Variants in DENND3 observed in about 807,000 individuals in gnomAD.
DENND3 encodes the protein DENN domain-containing protein 3.
DENND3 carries 88 observed loss-of-function variants against 135.1 expected under a neutral mutation model. That is an observed-to-expected ratio of 0.65 (90% confidence interval 0.55 to 0.78). The LOEUF (loss-of-function observed/expected upper bound fraction) is 0.78, where lower values mean the gene tolerates loss of function less well. DENND3 is among the 30% of genes least tolerant of loss of function. The probability of loss-of-function intolerance (pLI) is 0.00; values close to 1 mark genes in which losing one functional copy is unlikely to be tolerated. For missense variants in DENND3, 1,392 were observed against 1,688.4 expected (o/e 0.82, Z 3.08); for synonymous variants, 693 against 712.3 (o/e 0.97, Z 0.43).
chr8:141,167,919 G>T lies in DENND3; in HGVS notation c.1754-85G>T. ...TTTATTTTGCATCCAGAGAAACATTGTCCTTGACAAGATGATGTGACAGGG... is the reference window on the plus strand; with the variant it reads ...TTTATTTTGCATCCAGAGAAACATTTTCCTTGACAAGATGATGTGACAGGG... On this transcript the variant is annotated intron_variant, in intron 12 of 22. Transcript: ENST00000519811. This position sits in a 1 kb window ranked among gnomAD's most constrained non-coding sequence, Gnocchi z 4.1. 6.6e-6 allele frequency: 10 copies of T among 1,513,320 alleles called. No individual in the cohort carries two copies. Among genetic ancestry groups the T allele is most frequent in the Admixed American group, 2.0e-5 (1 of 50,770 alleles). 93.7% of individuals were successfully genotyped at this position (1,513,320 alleles called of 1,614,324 possible). A position where few individuals can be genotyped will look rare whatever the true frequency, so the allele number is the denominator to read the frequency against.
chr8:141,178,230 T>C, intron 16 of DENND3, 34 bp downstream of exon 16: 8 of 1,588,668 alleles, frequency 5.0e-6, no homozygotes, highest in Non-Finnish European at 6.9e-6. Flanking sequence ...TGGATCATTG[T>C]CCTGATTACA....
At chr8:141,179,765 C>T (rs566417450) in intron 16 of DENND3, among the ~76,000 whole-genome samples, 11 of 152,324 alleles carry the variant, frequency 7.2e-5, no homozygotes, top group African/African-American at 2.2e-4. Context: ...CGGATGTCGA[C>T]GTGTGTCGGT....
intron 13 of DENND3, among the ~76,000 whole-genome samples, chr8:141,171,412 CAT>C (rs1260273211): frequency 6.6e-6 from 1 of 152,254 alleles, no homozygotes; most frequent in African/African-American, 2.4e-5. Context: ...GGGACGCTGA[CAT>C]GTCTGCCACC....
At position 141,146,810 on chromosome 8, in the gene DENND3, G is replaced by T. The variant is rs1818204114; in HGVS notation, c.735+2551G>T. Among the ~76,000 whole-genome samples, 1 of 152,176 alleles carries T rather than the reference G, an allele frequency of 6.6e-6. No individual in the cohort carries two copies. The highest frequency in any genetic ancestry group is 2.4e-5 in the African/African-American group (1 of 41,442). ...CATGTTTATCGGCCGCGTGTTTTAT[G>T]TGGATAGTTGGCATTTTCTTGTCAA... On this transcript the variant is annotated intron_variant, in intron 5 of 22. Transcript: ENST00000519811. This position sits in a 1 kb window ranked among gnomAD's most constrained non-coding sequence, Gnocchi z 4.3.
chr8:141,186,965 CCCGCACCGTGG>C (rs1823971912), intron 18 of DENND3, among the ~76,000 whole-genome samples: 1 of 152,202 alleles, frequency 6.6e-6, no homozygotes, highest in African/African-American at 2.4e-5. Flanking sequence ...CCCACACTCC[CCCGCACCGTGG>C]CCTGCGCGCC....
rs7825201 is a variant in DENND3 at position 141,141,339 on chromosome 8, C to G, written c.623+15C>G. 4 of 1,407,286 alleles carry G rather than the reference C, an allele frequency of 2.8e-6. No individual in the cohort carries two copies. The highest frequency in any genetic ancestry group is 3.2e-5 in the African/African-American group (2 of 62,702). 87.2% of individuals were successfully genotyped at this position (1,407,286 alleles called of 1,614,324 possible). On this transcript the variant is annotated intron_variant, in intron 4 of 22. Coordinates refer to ENST00000519811, the MANE Select transcript of DENND3 (RefSeq NM_001352890.3). The surrounding 1 kb of genome is among the most constrained non-coding windows in gnomAD (Gnocchi z 5.3). ...TGCCTTTCCTGGTGAGCTGGGGCAC[C>G]GGGGGCCAGGGGTGGTAGGGGGCAG...
chr8:141,161,577 G>A (rs1431792637), intron 9 of DENND3, among the ~76,000 whole-genome samples: 1 of 152,146 alleles, frequency 6.6e-6, no homozygotes, highest in Admixed American at 6.5e-5. Context: ...ACTTTTTAAT[G>A]CAAAAGCCTT....
Position 141,144,098 on chromosome 8 carries a change from T to A in DENND3, c.624-50T>A, listed in dbSNP as rs1817769034. Reference sequence around the variant, plus strand: ...GATTAGAAACGCTAACGATGACAACTGCGTTCTCATCTTTATTTTGCGGTT... The same window carrying A: ...GATTAGAAACGCTAACGATGACAACAGCGTTCTCATCTTTATTTTGCGGTT... On this transcript the variant is annotated intron_variant, in intron 4 of 22. Coordinates refer to ENST00000519811, the MANE Select transcript of DENND3 (RefSeq NM_001352890.3). The surrounding 1 kb of genome is among the most constrained non-coding windows in gnomAD (Gnocchi z 4.4). 1 of 1,462,890 alleles carries A rather than the reference T, an allele frequency of 6.8e-7. No individual in the cohort carries two copies. The highest frequency in any genetic ancestry group is 1.4e-5 in the African/African-American group (1 of 69,582). 90.6% of individuals were successfully genotyped at this position (1,462,890 alleles called of 1,614,324 possible).
At chr8:141,188,123 G>A (rs1016773251) in intron 18 of DENND3, among the ~76,000 whole-genome samples, 3 of 143,858 alleles carry the variant, frequency 2.1e-5, no homozygotes, top group African/African-American at 7.8e-5. Flanking sequence ...CTACTCGGGG[G>A]TCTGAAGCGG....
intron 19 of DENND3, among the ~76,000 whole-genome samples, 167 bp downstream of exon 19, chr8:141,189,313 C>T (rs1308661585): frequency 6.6e-6 from 1 of 152,240 alleles, no homozygotes; most frequent in Non-Finnish European, 1.5e-5. Flanking sequence ...TCTGCTTCTG[C>T]TCACGGGTGC....
chr8:141,149,809 A>C (rs917098143), intron 5 of DENND3, among the ~76,000 whole-genome samples: 1 of 152,262 alleles, frequency 6.6e-6, no homozygotes, highest in Admixed American at 6.5e-5. Context: ...AAACGATGTT[A>C]TTCAAGGACC....
At position 141,175,510 on chromosome 8, in the gene DENND3, C is replaced by T. The variant is rs1400591498; in HGVS notation, c.2535+51C>T. On this transcript the variant is annotated intron_variant, in intron 14 of 22. Transcript: ENST00000519811. The surrounding 1 kb of genome is among the most constrained non-coding windows in gnomAD (Gnocchi z 5.4). ...CCAGACCCCACCTGTGTTTAGGAGA[C>T]AGATGGCTGGAGTGGGCCCTGAGCA... 2 of 1,612,846 alleles carry T rather than the reference C, an allele frequency of 1.2e-6. No individual in the cohort carries two copies. The highest frequency in any genetic ancestry group is 1.7e-6 in the Non-Finnish European group (2 of 1,179,982).
At chr8:141,158,249 G>A (rs1375884967) in intron 8 of DENND3, 7 of 1,289,468 alleles carry the variant, frequency 5.4e-6, no homozygotes, top group Non-Finnish European at 7.1e-6. Context: ...GAACTTTGAA[G>A]GAGACACGTG....
In DENND3 at chr8:141,168,303, GC is replaced by G; in HGVS notation, c.2057del (p.Pro686LeufsTer12). 6.2e-7 allele frequency: 1 copy of G among 1,614,050 alleles called. No homozygotes were observed. The highest frequency in any genetic ancestry group is 8.5e-7 in the Non-Finnish European group (1 of 1,180,020). On this transcript the variant is annotated frameshift_variant, in exon 13 of 23. Coordinates refer to ENST00000519811, the MANE Select transcript of DENND3 (RefSeq NM_001352890.3). LOFTEE classifies it high-confidence loss of function. This position sits in a 1 kb window ranked among gnomAD's most constrained non-coding sequence, Gnocchi z 6.2. ...LVKRTVESMSAPEWEGAEQAP... is the reference protein window; with the variant it reads ...LVKRTVESMSXPEWEGAEQAP... ...GAAGAGGACGGTGGAATCCATGTCT[GC>G]CCCTGAGTGGGAGGGGGCTGAGCAG... is the stretch of plus-strand genomic sequence containing the variant.
In DENND3 at chr8:141,194,177, G is replaced by A. The variant is rs750179565; in HGVS notation, c.3781G>A (p.Val1261Met). 2.5e-5 allele frequency: 40 copies of A among 1,613,568 alleles called. No individual in the cohort carries two copies. In the East Asian group the frequency reaches 4.9e-4, roughly 20 times the overall value. ...RTLCSAEDRY[V>M]LSGSGREEGK... ...GCTGTGCTCGGCTGAGGACAGATAC[G>A]TGCTGAGTGGGTCGGGCAGGGAGGA... The change falls in exon 23 of 23, where the codon GTG becomes ATG. Residue 1261 changes from valine (V) to methionine (M), a missense_variant. Physicochemically the swap from Val to Met is conservative, Grantham distance 21. Transcript: ENST00000519811.
chr8:141,180,812 G>A lies in DENND3; in HGVS notation c.2902G>A (p.Glu968Lys). 6.2e-7 allele frequency: 1 copy of A among 1,613,434 alleles called. No homozygotes were observed. Among genetic ancestry groups the A allele is most frequent in the Non-Finnish European group, 8.5e-7 (1 of 1,179,658 alleles). ...GCATAAAATCAACCCCTCGGCGGGG[G>A]AGGCGTTCCCACAAGCGGTGGACGT... is the stretch of plus-strand genomic sequence containing the variant. ...LKHKINPSAGEAFPQAVDVLL... is the reference protein window; with the variant it reads ...LKHKINPSAGKAFPQAVDVLL... Residue 968 changes from glutamate to lysine, a missense_variant, in exon 17 of 23, where the codon GAG (glutamate) becomes AAG (lysine). By Grantham distance (56) the Glu-to-Lys change is moderately conservative. Transcript: ENST00000519811.
Position 141,185,403 on chromosome 8 carries a change from C to G in DENND3, c.3084+125C>G, listed in dbSNP as rs139877193. The G allele has an allele frequency of 2.2e-3, 2,880 of 1,297,094 alleles. 8 individuals are homozygous for G. Among genetic ancestry groups the G allele is most frequent in the Middle Eastern group, 3.7e-3 (19 of 5,134 alleles). 80.3% of individuals were successfully genotyped at this position (1,297,094 alleles called of 1,614,324 possible). A position where few individuals can be genotyped will look rare whatever the true frequency, so the allele number is the denominator to read the frequency against. ...CACAGCCTCACTCGGTTTCTGTAAACAGGGGGTCTTAACTTTCACCTGGAG... is the reference window on the plus strand; with the variant it reads ...CACAGCCTCACTCGGTTTCTGTAAAGAGGGGGTCTTAACTTTCACCTGGAG... On this transcript the variant is annotated intron_variant, in intron 18 of 22. Transcript: ENST00000519811.
Position 141,138,110 on chromosome 8 carries a change from G to C in DENND3, c.474G>C (p.Val158=). The C allele has an allele frequency of 6.2e-7, 1 of 1,608,708 alleles. No homozygotes were observed. Among genetic ancestry groups the C allele is most frequent in the Non-Finnish European group, 8.5e-7 (1 of 1,177,218 alleles). The stretch of plus-strand genomic sequence containing the variant: ...TCTGCGGGAATAGGACCTATGGCGT[G>C]GTGGCCCAGTACTACCGGCCCCTGC... ...TDVCGNRTYG[V]VAQYYRPLHD... The change falls in exon 3 of 23, where the codon GTG becomes GTC. Residue 158 remains valine, a synonymous_variant. Coordinates refer to ENST00000519811, the MANE Select transcript of DENND3 (RefSeq NM_001352890.3). This position sits in a 1 kb window ranked among gnomAD's most constrained non-coding sequence, Gnocchi z 4.8.
rs985467487 is a variant in DENND3, at chr8:141,167,388, C to T, written c.1754-616C>T. 6.6e-6 allele frequency among the ~76,000 whole-genome samples: 1 copy of T among 152,214 alleles called. No homozygotes were observed. Among genetic ancestry groups the T allele is most frequent in the Non-Finnish European group, 1.5e-5 (1 of 68,024 alleles). ...TGGAGCCCCCATGACCCTCCTCCTG[C>T]TCTCTTGGTCCTCTGGAGCTCCTGG... On this transcript the variant is annotated intron_variant, in intron 12 of 22. Coordinates refer to ENST00000519811, the MANE Select transcript of DENND3 (RefSeq NM_001352890.3). This position sits in a 1 kb window ranked among gnomAD's most constrained non-coding sequence, Gnocchi z 4.1.
Sources: gnomAD v4.1 joint callset for allele counts (sites outside exome capture counted in the v4.1 genomes callset) on GRCh38, gnomAD v4.1.1 for gene constraint, Gnocchi (gnomAD v3.1) non-coding constraint, MANE v1.5 for transcripts, NCBI Gene and HGNC (gene_info 2026-07-23, HGNC 2026-07-21) for gene names.